Variants in ARHGAP26 observed in about 807,000 individuals in gnomAD.
ARHGAP26 encodes rho GTPase-activating protein 26.
A neutral mutation model predicts 104.8 loss-of-function variants in ARHGAP26; 38 were observed. The ratio of observed to expected loss-of-function variants is 0.36; its 90% confidence interval spans 0.28 to 0.48. The LOEUF (loss-of-function observed/expected upper bound fraction) is 0.48, where lower values mean the gene tolerates loss of function less well. Among genes scored for constraint, ARHGAP26 ranks in the 20% least tolerant of loss-of-function variants. The probability of loss-of-function intolerance (pLI) is 0.99; values close to 1 mark genes in which losing one functional copy is unlikely to be tolerated. For missense variants in ARHGAP26, 704 were observed against 947.9 expected (o/e 0.74, Z 3.38); for synonymous variants, 341 against 340.0 (o/e 1.00, Z -0.03).
chr5:143,108,594 T>G (rs1402140752), intron 17 of ARHGAP26, among the ~76,000 whole-genome samples: 2 of 152,170 alleles, frequency 1.3e-5, no homozygotes, highest in African/African-American at 2.4e-5. Context: ...TTCAGACTTA[T>G]GGCAGGGAAT....
intron 10 of ARHGAP26, among the ~76,000 whole-genome samples, chr5:142,915,324 A>G (rs1762337009): frequency 6.7e-6 from 1 of 148,510 alleles, no homozygotes; most frequent in African/African-American, 2.5e-5. Flanking sequence ...GATTTCAGTC[A>G]TGGTTCAGTT....
chr5:142,968,252 A>G (rs1344040374), intron 11 of ARHGAP26, among the ~76,000 whole-genome samples: 1 of 152,246 alleles, frequency 6.6e-6, no homozygotes, highest in East Asian at 1.9e-4. Flanking sequence ...ACAGCTAATA[A>G]ACAGAGATAA....
At chr5:142,811,841 G>T (rs980433051) in intron 1 of ARHGAP26, among the ~76,000 whole-genome samples, 1 of 152,152 alleles carries the variant, frequency 6.6e-6, no homozygotes, top group African/African-American at 2.4e-5. Flanking sequence ...TTCCGTTCCT[G>T]CTCTGGCTTC....
At chr5:143,018,161 C>T (rs758409782) in intron 12 of ARHGAP26, among the ~76,000 whole-genome samples, 2 of 152,226 alleles carry the variant, frequency 1.3e-5, no homozygotes, top group African/African-American at 2.4e-5. Context: ...ATTGCCTATT[C>T]ATGTCCTTTG....
At chr5:142,778,480 T>A (rs960623625) in intron 1 of ARHGAP26, among the ~76,000 whole-genome samples, 1 of 152,206 alleles carries the variant, frequency 6.6e-6, no homozygotes, top group Middle Eastern at 3.2e-3. Context: ...CTATAAGGAT[T>A]ATTTTGTGTT....
At chr5:143,168,566 G>A (rs1402907687) in intron 20 of ARHGAP26, 1 of 141,190 alleles carries the variant, frequency 7.1e-6, no homozygotes, top group African/African-American at 2.6e-5. Flanking sequence ...TTTGCTTTGA[G>A]TTTTATAATG....
intron 21 of ARHGAP26, among the ~76,000 whole-genome samples, chr5:143,210,095 C>T (rs1809208764): frequency 6.6e-6 from 1 of 152,290 alleles, no homozygotes; most frequent in East Asian, 1.9e-4. Flanking sequence ...AAATTGCTTA[C>T]TGTCTGAATT....
At position 143,133,985 on chromosome 5, in the gene ARHGAP26, G is replaced by T. The variant is rs775284912; in HGVS notation, c.1717G>T (p.Asp573Tyr). 1.2e-6 allele frequency: 2 copies of T among 1,611,488 alleles called. No homozygotes were observed. The highest frequency in any genetic ancestry group is 1.3e-5 in the African/African-American group (1 of 74,940). Residue 573 changes from aspartate to tyrosine, a missense_variant, in exon 19 of 23, where the codon GAT (aspartate) becomes TAT (tyrosine). By Grantham distance (160) the Asp-to-Tyr change is radical (BLOSUM62 -3). This residue lies in a region of ARHGAP26 where 217 missense variants were observed against 242.6 expected (regional missense o/e 0.89). Coordinates refer to ENST00000645722, the MANE Select transcript of ARHGAP26 (RefSeq NM_001135608.3). ...NHEKIFNTVP[D>Y]MPLTNAQLHL... ...TTTGCAGATATTTAACACCGTGCCC[G>T]ATATGCCTCTCACCAATGCCCAGCT...
At chr5:143,031,415 A>G (rs557691960) in intron 12 of ARHGAP26, among the ~76,000 whole-genome samples, 1 of 152,216 alleles carries the variant, frequency 6.6e-6, no homozygotes, top group Non-Finnish European at 1.5e-5. Flanking sequence ...GGTAGGGACC[A>G]GGATGGTGAT....
rs1386445599 is a variant in ARHGAP26 at position 142,935,959 on chromosome 5, G to A, written c.1107+3834G>A. On this transcript the variant is annotated intron_variant, in intron 11 of 22. Transcript: ENST00000645722. ...TAGGAACAAGTTGAGGGTGTTTGCT[G>A]TCACCACTCTTACTCAGCAGAGGAC... Among the ~76,000 whole-genome samples the A allele has an allele frequency of 3.9e-5, 6 of 152,180 alleles. No individual in the cohort carries two copies. The South Asian group carries it at 8.3e-4, about 21-fold the overall frequency.
At chr5:143,093,715 C>A (rs912713838) in intron 17 of ARHGAP26, among the ~76,000 whole-genome samples, 3 of 152,078 alleles carry the variant, frequency 2.0e-5, no homozygotes, top group Non-Finnish European at 4.4e-5. Context: ...CCTCTGCCAA[C>A]CACTTATGCT....
At chr5:142,873,579 A>G in intron 2 of ARHGAP26, 84 bp downstream of exon 2, 1 of 929,862 alleles carries the variant, frequency 1.1e-6, no homozygotes, top group Non-Finnish European at 1.6e-6. Context: ...TCCCTGAGAT[A>G]GGAAGTCTCT....
chr5:143,085,899 A>T (rs1790525653), intron 17 of ARHGAP26, among the ~76,000 whole-genome samples: 1 of 152,230 alleles, frequency 6.6e-6, no homozygotes, highest in South Asian at 2.1e-4. Flanking sequence ...ATGGTTTCTT[A>T]TAATATTTAA....
chr5:142,925,344 A>C (rs1373260536), intron 10 of ARHGAP26, among the ~76,000 whole-genome samples: 1 of 152,194 alleles, frequency 6.6e-6, no homozygotes, highest in African/African-American at 2.4e-5. Context: ...CAAAAGAAAA[A>C]ACCAAGAGCA....
At chr5:142,936,905 T>G (rs1011305566) in intron 11 of ARHGAP26, among the ~76,000 whole-genome samples, 1 of 151,806 alleles carries the variant, frequency 6.6e-6, no homozygotes, top group Admixed American at 6.6e-5. Flanking sequence ...AAATGTAAAA[T>G]GTAACACTTG....
rs1811483521 is a variant in ARHGAP26 at position 143,224,262 on chromosome 5, C to G, written c.*1816C>G. ...TAAGAGGGAGAGAGGGGAGGCAAAG[C>G]TGAAGAGAGTCAAGGTCACTGTCCC... On this transcript the variant is annotated 3_prime_UTR_variant, in exon 23 of 23. Coordinates refer to ENST00000645722, the MANE Select transcript of ARHGAP26 (RefSeq NM_001135608.3). 1 of 231,930 alleles carries G rather than the reference C, an allele frequency of 4.3e-6. No individual in the cohort carries two copies. Among genetic ancestry groups the G allele is most frequent in the Admixed American group, 5.6e-5 (1 of 17,718 alleles). 14.4% of individuals were successfully genotyped at this position (231,930 alleles called of 1,614,324 possible).
At chr5:142,828,118 A>T (rs1005487482) in intron 1 of ARHGAP26, among the ~76,000 whole-genome samples, 12 of 152,272 alleles carry the variant, frequency 7.9e-5, no homozygotes, top group Admixed American at 6.5e-4. Flanking sequence ...TACAGGTAGG[A>T]ATTGTTTCCT....
intron 1 of ARHGAP26, among the ~76,000 whole-genome samples, chr5:142,813,098 C>T (rs759947499): frequency 7.9e-5 from 12 of 151,930 alleles, no homozygotes; most frequent in African/African-American, 1.2e-4. Flanking sequence ...CTACCATGCC[C>T]GGCTAACTTT....
intron 21 of ARHGAP26, among the ~76,000 whole-genome samples, chr5:143,211,471 G>A (rs958338631): frequency 6.6e-6 from 1 of 152,120 alleles, no homozygotes; most frequent in Non-Finnish European, 1.5e-5. Context: ...AAGCAGTAGA[G>A]GGAGATCTCA....
Sources: allele counts gnomAD v4.1 joint callset (sites outside exome capture counted in the v4.1 genomes callset), GRCh38; gene constraint gnomAD v4.1.1; regional missense constraint gnomAD v4.1.1; transcripts MANE v1.5; gene names NCBI Gene and HGNC (gene_info 2026-07-23, HGNC 2026-07-21).